Variants in MTHFD1L observed in about 807,000 individuals in gnomAD.
MTHFD1L encodes methylenetetrahydrofolate dehydrogenase (NADP+ dependent) 1 like.
MTHFD1L carries 81 observed loss-of-function variants against 119.5 expected under a neutral mutation model. The observed-to-expected ratio is 0.68, with a 90% confidence interval of 0.57 to 0.82. MTHFD1L has a LOEUF of 0.82. Among genes scored for constraint, MTHFD1L ranks in the 40% least tolerant of loss-of-function variants. The probability of loss-of-function intolerance (pLI) is 0.00; values close to 1 mark genes in which losing one functional copy is unlikely to be tolerated. For missense variants in MTHFD1L, 1,125 were observed against 1,253.4 expected (o/e 0.90, Z 1.55); for synonymous variants, 430 against 475.2 (o/e 0.90, Z 1.24).
At chr6:151,081,228 C>T (rs1328819799) in intron 26 of MTHFD1L, among the ~76,000 whole-genome samples, 1 of 152,172 alleles carries the variant, frequency 6.6e-6, no homozygotes, top group Non-Finnish European at 1.5e-5. Context: ...TTTCCTACTT[C>T]AGCCAGTCTT....
chr6:151,048,879 C>T (rs1490407288), intron 26 of MTHFD1L, among the ~76,000 whole-genome samples: 9 of 152,186 alleles, frequency 5.9e-5, no homozygotes, highest in Non-Finnish European at 2.9e-5. Context: ...CTTTTCCTTA[C>T]ACACCAAATA....
chr6:151,079,133 G>A (rs1792863222), intron 26 of MTHFD1L, among the ~76,000 whole-genome samples: 1 of 152,106 alleles, frequency 6.6e-6, no homozygotes, highest in Admixed American at 6.5e-5. Context: ...AGAAGAACAG[G>A]AGTGTAATCA....
At chr6:150,899,232 A>C (rs1023806850) in intron 7 of MTHFD1L, among the ~76,000 whole-genome samples, 11 of 152,224 alleles carry the variant, frequency 7.2e-5, no homozygotes, top group Non-Finnish European at 1.6e-4. Context: ...TGGTAGAAAA[A>C]TGCTGTAATC....
At chr6:151,043,486 C>A (rs1246054590) in intron 26 of MTHFD1L, among the ~76,000 whole-genome samples, 1 of 152,034 alleles carries the variant, frequency 6.6e-6, no homozygotes, top group Non-Finnish European at 1.5e-5. Flanking sequence ...AGGCTGGTCT[C>A]AAACTCCTGA....
Position 150,930,767 on chromosome 6 carries a change from TG to T in MTHFD1L, c.1256+4475del, listed in dbSNP as rs980616189. On this transcript the variant is annotated intron_variant, in intron 11 of 27. Transcript: ENST00000367321. ...AAATGTGATTTAAATATATCAGCAA[TG>T]GGATTAAAATATAAAACAATGAGAT... Among the ~76,000 whole-genome samples the T allele has an allele frequency of 6.3e-4, 96 of 152,190 alleles. 1 individual carries two copies. The highest frequency in any genetic ancestry group is 2.2e-3 in the African/African-American group (93 of 41,558).
At chr6:150,957,963 A>G (rs905704468) in intron 17 of MTHFD1L, among the ~76,000 whole-genome samples, 6 of 152,120 alleles carry the variant, frequency 3.9e-5, no homozygotes, top group African/African-American at 1.4e-4. Context: ...ATAGTTTTTT[A>G]CTGTTTAGGT....
intron 6 of MTHFD1L, 141 bp from the exon 7 acceptor site, chr6:150,887,704 G>A (rs1028293502): frequency 1.7e-5 from 13 of 783,874 alleles, no homozygotes; most frequent in Non-Finnish European, 2.4e-5. Context: ...TGATCCGCCT[G>A]CCTCAGCCTC....
At chr6:150,933,059 T>G (rs1791436691) in intron 11 of MTHFD1L, among the ~76,000 whole-genome samples, 1 of 152,160 alleles carries the variant, frequency 6.6e-6, no homozygotes, top group African/African-American at 2.4e-5. Context: ...ATTGTAGCTC[T>G]CCTTTTATTG....
chr6:150,980,972 G>A (rs1291950988), intron 20 of MTHFD1L, among the ~76,000 whole-genome samples: 3 of 151,594 alleles, frequency 2.0e-5, no homozygotes, highest in Non-Finnish European at 2.9e-5. Context: ...TCATGGTACC[G>A]CCCGGGCAAG....
chr6:150,978,011 C>G (rs953947814), intron 20 of MTHFD1L, among the ~76,000 whole-genome samples: 1 of 151,654 alleles, frequency 6.6e-6, no homozygotes, highest in Non-Finnish European at 1.5e-5. Flanking sequence ...AGCGATTCTC[C>G]TACCTCAGCC....
At chr6:151,031,613 A>G (rs1377076396) in intron 24 of MTHFD1L, among the ~76,000 whole-genome samples, 1 of 152,268 alleles carries the variant, frequency 6.6e-6, no homozygotes, top group African/African-American at 2.4e-5. Flanking sequence ...CTTTATAAAT[A>G]CTTGCATATA....
At chr6:150,922,631 GT>G (rs1237311489) in intron 10 of MTHFD1L, among the ~76,000 whole-genome samples, 39 of 124,276 alleles carry the variant, frequency 3.1e-4, no homozygotes, top group Admixed American at 1.0e-3. Flanking sequence ...TAATGGCAGT[GT>G]TTTCCCCCCC....
Position 151,017,615 on chromosome 6 carries a change from G to C in MTHFD1L, c.2586+1922G>C, listed in dbSNP as rs148201603. On this transcript the variant is annotated intron_variant, in intron 24 of 27. Coordinates refer to ENST00000367321, the MANE Select transcript of MTHFD1L (RefSeq NM_015440.5). ...CCACCTCGGCTTCCCAAAGTGCTGG[G>C]ATTACAGGTGTGAGCCACCGCGCCC... Among the ~76,000 whole-genome samples, 595 of 152,166 alleles carry C rather than the reference G, an allele frequency of 3.9e-3. 1 individual carries two copies. Among genetic ancestry groups the C allele is most frequent in the African/African-American group, 0.014 (561 of 41,526 alleles).
intron 26 of MTHFD1L, among the ~76,000 whole-genome samples, chr6:151,082,654 T>C (rs917236047): frequency 6.6e-6 from 1 of 152,120 alleles, no homozygotes; most frequent in African/African-American, 2.4e-5. Context: ...TCCAGGCAAT[T>C]ATCAATTCTA....
intron 26 of MTHFD1L, among the ~76,000 whole-genome samples, chr6:151,067,461 T>C (rs1163706799): frequency 2.0e-5 from 3 of 151,902 alleles, no homozygotes; most frequent in Non-Finnish European, 1.5e-5. Context: ...GTAGCTGGGA[T>C]TCCAGGTGTG....
chr6:150,899,839 G>A (rs573562278), intron 7 of MTHFD1L, among the ~76,000 whole-genome samples: 1 of 151,962 alleles, frequency 6.6e-6, no homozygotes, highest in East Asian at 1.9e-4. Flanking sequence ...GGGTGTGGTG[G>A]CATGCGCCTG....
chr6:150,992,895 C>G (rs780528279), intron 20 of MTHFD1L, among the ~76,000 whole-genome samples: 1 of 152,194 alleles, frequency 6.6e-6, no homozygotes, highest in African/African-American at 2.4e-5. Flanking sequence ...TCAGTGGTTT[C>G]CCATGTAGGC....
chr6:150,926,144 C>G lies in MTHFD1L; in HGVS notation c.1105C>G (p.Gln369Glu). Residue 369 changes from glutamine (Q) to glutamate (E), a missense_variant, in exon 11 of 28, where the codon CAA (glutamine) becomes GAA (glutamate). Coordinates refer to ENST00000367321, the MANE Select transcript of MTHFD1L (RefSeq NM_015440.5). This position sits in a 1 kb window ranked among gnomAD's most constrained non-coding sequence, Gnocchi z 4.3. ...VPSDIEISRG[Q>E]TPKAVDVLAK... The stretch of plus-strand genomic sequence containing the variant: ...CAGTGACATTGAGATTTCAAGAGGA[C>G]AAACTCCAAAAGCTGTGGATGTCCT... 6 of 1,613,660 alleles carry G rather than the reference C, an allele frequency of 3.7e-6. No individual in the cohort carries two copies. The highest frequency in any genetic ancestry group is 1.3e-5 in the African/African-American group (1 of 75,012).
chr6:150,921,688 T>C (rs1035968939), intron 9 of MTHFD1L, among the ~76,000 whole-genome samples: 3 of 152,208 alleles, frequency 2.0e-5, no homozygotes, highest in African/African-American at 7.2e-5. Context: ...GCTGGGATTA[T>C]AGGTGCGCAT....
Sources: gnomAD v4.1 joint callset for allele counts (sites outside exome capture counted in the v4.1 genomes callset) on GRCh38, gnomAD v4.1.1 for gene constraint, Gnocchi (gnomAD v3.1) non-coding constraint, MANE v1.5 for transcripts, NCBI Gene and HGNC (gene_info 2026-07-23, HGNC 2026-07-21) for gene names.